Variants in PTPRD observed in about 807,000 individuals in gnomAD.
PTPRD encodes the protein protein tyrosine phosphatase receptor type D.
A neutral mutation model predicts 214.5 loss-of-function variants in PTPRD; 34 were observed. The ratio of observed to expected loss-of-function variants is 0.16; its 90% CI spans 0.12 to 0.21. PTPRD has a LOEUF of 0.21. Among genes scored for constraint, PTPRD ranks in the 10% least tolerant of loss-of-function variants. PTPRD has a pLI of 1.00. For missense variants in PTPRD, 2,545 were observed against 2,398.7 expected (o/e 1.06, Z -1.27); for synonymous variants, 1,128 against 845.7 (o/e 1.33, Z -5.79).
At chr9:9,210,890 C>G (rs980001712) in intron 9 of PTPRD, among the ~76,000 whole-genome samples, 1 of 151,318 alleles carries the variant, frequency 6.6e-6, no homozygotes, top group Non-Finnish European at 1.5e-5. Context: ...AGAAACCAGG[C>G]TTTTAAAAAT....
chr9:9,659,338 G>C (rs1486391806), intron 7 of PTPRD, among the ~76,000 whole-genome samples: 1 of 151,984 alleles, frequency 6.6e-6, no homozygotes, highest in Non-Finnish European at 1.5e-5. Context: ...ATATTTGAGA[G>C]AGAAAAAATT....
intron 5 of PTPRD, among the ~76,000 whole-genome samples, chr9:9,791,250 C>T (rs1019346120): frequency 6.6e-6 from 1 of 151,952 alleles, no homozygotes; most frequent in African/African-American, 2.4e-5. Context: ...TCGGATTATA[C>T]CTTTAAAAAT....
At chr9:10,356,369 C>G (rs1235342423) in intron 2 of PTPRD, among the ~76,000 whole-genome samples, 2 of 152,144 alleles carry the variant, frequency 1.3e-5, no homozygotes, top group African/African-American at 4.8e-5. Flanking sequence ...AGATATTTCT[C>G]TCAAATTGGT....
At chr9:9,735,308 C>T (rs2098273466) in intron 6 of PTPRD, among the ~76,000 whole-genome samples, 1 of 152,082 alleles carries the variant, frequency 6.6e-6, no homozygotes, top group South Asian at 2.1e-4. Flanking sequence ...AAATATTGAA[C>T]TTCTAACCAT....
chr9:8,958,983 T>A (rs2099145539), intron 11 of PTPRD: 1 of 148,654 alleles, frequency 6.7e-6, no homozygotes, highest in Admixed American at 6.7e-5. Flanking sequence ...TTCAGCCCAA[T>A]GTACCTTATA....
chr9:10,078,463 C>G (rs1259562894), intron 3 of PTPRD, among the ~76,000 whole-genome samples: 1 of 146,478 alleles, frequency 6.8e-6, no homozygotes, highest in Non-Finnish European at 1.5e-5. Flanking sequence ...TCGTAGTGAG[C>G]CAAGATCATG....
intron 11 of PTPRD, among the ~76,000 whole-genome samples, chr9:8,964,369 G>A (rs12351383): frequency 6.6e-6 from 1 of 151,376 alleles, no homozygotes; most frequent in Non-Finnish European, 1.5e-5. Flanking sequence ...TAGTTTCTGA[G>A]GATATTGTCT....
At chr9:9,700,102 A>G (rs899675263) in intron 7 of PTPRD, among the ~76,000 whole-genome samples, 1 of 152,172 alleles carries the variant, frequency 6.6e-6, no homozygotes, top group East Asian at 1.9e-4. Flanking sequence ...AAATATTTAC[A>G]TCGGCAAAGG....
chr9:9,319,017 G>T (rs903945352), intron 9 of PTPRD, among the ~76,000 whole-genome samples: 1 of 152,182 alleles, frequency 6.6e-6, no homozygotes, highest in African/African-American at 2.4e-5. Flanking sequence ...AGTTAAGTAA[G>T]CTTTCCTCAA....
At chr9:9,540,293 A>C (rs2077319399) in intron 8 of PTPRD, among the ~76,000 whole-genome samples, 2 of 151,924 alleles carry the variant, frequency 1.3e-5, no homozygotes, top group Middle Eastern at 6.8e-3. Context: ...ATAGGGTACT[A>C]TTCTTTGTGC....
At chr9:8,522,072 T>C (rs951519565) in intron 19 of PTPRD, among the ~76,000 whole-genome samples, 2 of 152,206 alleles carry the variant, frequency 1.3e-5, no homozygotes, top group African/African-American at 4.8e-5. Flanking sequence ...AAGTGCACTT[T>C]ATGTTTTCAG....
intron 8 of PTPRD, among the ~76,000 whole-genome samples, chr9:9,487,263 A>C (rs970186018): frequency 1.1e-4 from 15 of 142,522 alleles, no homozygotes. Context: ...TCCTGTGTCC[A>C]AGTGTTCTCA....
chr9:10,471,235 T>C (rs2184682), intron 2 of PTPRD, among the ~76,000 whole-genome samples: 124,865 of 151,906 alleles, frequency 0.82, 51,652 homozygotes, highest in East Asian at 0.98. Flanking sequence ...CCATGGCATG[T>C]GTATACCTAT....
chr9:8,973,810 G>C (rs1421502052), intron 11 of PTPRD, among the ~76,000 whole-genome samples: 1 of 152,072 alleles, frequency 6.6e-6, no homozygotes, highest in African/African-American at 2.4e-5. Flanking sequence ...TTTCTCTGAT[G>C]ATTAGTGATG....
intron 10 of PTPRD, among the ~76,000 whole-genome samples, chr9:9,102,035 C>T (rs1363889249): frequency 1.3e-5 from 2 of 152,076 alleles, no homozygotes; most frequent in Non-Finnish European, 2.9e-5. Flanking sequence ...AAAAATGGAC[C>T]ATCTGTCAAG....
At chr9:9,173,093 C>T (rs2099922477) in intron 10 of PTPRD, among the ~76,000 whole-genome samples, 1 of 152,126 alleles carries the variant, frequency 6.6e-6, no homozygotes, top group South Asian at 2.1e-4. Flanking sequence ...GTGAGCCCTT[C>T]TGTTCCTTGC....
chr9:9,636,899 A>G (rs371591808), intron 7 of PTPRD, among the ~76,000 whole-genome samples: 68 of 152,290 alleles, frequency 4.5e-4, no homozygotes, highest in African/African-American at 1.6e-3. Flanking sequence ...GCATCTGGTA[A>G]GGGGGGCGAG....
chr9:10,447,633 T>A (rs1469833391), intron 2 of PTPRD, among the ~76,000 whole-genome samples: 1 of 151,952 alleles, frequency 6.6e-6, no homozygotes, highest in East Asian at 1.9e-4. Context: ...TTTTTATTTC[T>A]CAAATACAGA....
At position 9,117,409 on chromosome 9, in the gene PTPRD, G is replaced by A. The variant is rs1381713343; in HGVS notation, c.-143+65895C>T. ...AAACACTTGTTGTACTTAAGCATAG[G>A]AAAGTGATTCAAATGAGATAATGCA... On this transcript the variant is annotated intron_variant, in intron 10 of 45. Coordinates refer to ENST00000381196, the MANE Select transcript of PTPRD (RefSeq NM_002839.4). Among the ~76,000 whole-genome samples, 3 of 151,934 alleles carry A rather than the reference G, an allele frequency of 2.0e-5. No homozygotes were observed. The East Asian group carries it at 5.8e-4, about 29-fold the overall frequency.
Sources: gnomAD v4.1 joint callset for allele counts (sites outside exome capture counted in the v4.1 genomes callset) on GRCh38, gnomAD v4.1.1 for gene constraint, MANE v1.5 for transcripts, NCBI Gene and HGNC (gene_info 2026-07-23, HGNC 2026-07-21) for gene names.